RUBCN: variants seen among roughly 807,000 people sequenced by gnomAD.
The protein encoded by RUBCN is run domain Beclin-1-interacting and cysteine-rich domain-containing protein.
RUBCN carries 74 observed loss-of-function variants against 113.2 expected under a neutral mutation model. The observed-to-expected ratio is 0.65, with a 90% CI of 0.54 to 0.79. The LOEUF (loss-of-function observed/expected upper bound fraction) is 0.79. Among genes scored for constraint, RUBCN ranks in the 30% least tolerant of loss-of-function variants. RUBCN has a pLI of 0.00. For missense variants in RUBCN, 1,109 were observed against 1,251.7 expected, an observed-to-expected ratio of 0.89 and a Z score of 1.72; for synonymous variants, 480 against 490.0, an observed-to-expected ratio of 0.98 and a Z score of 0.27.
intron 1 of RUBCN, among the ~76,000 whole-genome samples, chr3:197,731,945 C>T (rs1009845548): frequency 6.6e-6 from 1 of 152,214 alleles, no homozygotes; most frequent in Admixed American, 6.5e-5. Flanking sequence ...AAATTAGGAA[C>T]AGAATTTTAG....
Position 197,680,987 on chromosome 3 carries a change from G to A in RUBCN, c.2430+142C>T, listed in dbSNP as rs1329899297. 1.6e-5 allele frequency: 10 copies of A among 612,692 alleles called. No homozygotes were observed. In the African/African-American group the frequency reaches 1.9e-4, roughly 12 times the overall value. 38.0% of individuals were successfully genotyped at this position (612,692 alleles called of 1,614,324 possible). On this transcript the variant is annotated intron_variant, in intron 16 of 19. Coordinates refer to ENST00000296343, the MANE Select transcript of RUBCN (RefSeq NM_014687.4). ...GAAGCCCTATATAACCAGGGGAGGG[G>A]ACAAGGAGAGGAGACGAGGGGAGGG...
chr3:197,715,597 A>T (rs974291401), intron 2 of RUBCN, among the ~76,000 whole-genome samples: 4 of 152,158 alleles, frequency 2.6e-5, no homozygotes, highest in Admixed American at 6.5e-5. Flanking sequence ...AGGTAGACAG[A>T]TGCTACCTCA....
At chr3:197,704,471 AG>A (rs1724055681) in intron 4 of RUBCN, 70 bp downstream of exon 4, 3 of 1,410,886 alleles carry the variant, frequency 2.1e-6, no homozygotes, top group Non-Finnish European at 3.0e-6. Flanking sequence ...CTGGTACCAG[AG>A]GGGTAGAGGA....
chr3:197,736,779 G>A lies in RUBCN; in HGVS notation c.-60C>T. The stretch of plus-strand genomic sequence containing the variant: ...GGCGTCCCTGCCGCTTCGCCCTTCA[G>A]GGCTCCCGGGGCCCCCTGGGGCCGG... On this transcript the variant is annotated 5_prime_UTR_variant, in exon 1 of 20. Transcript: ENST00000296343. 3 of 1,507,440 alleles carry A rather than the reference G, an allele frequency of 2.0e-6. No homozygotes were observed. Among genetic ancestry groups the A allele is most frequent in the South Asian group, 1.2e-5 (1 of 81,442 alleles). 93.4% of individuals were successfully genotyped at this position (1,507,440 alleles called of 1,614,324 possible).
chr3:197,739,856 T>C (rs941971987), upstream of RUBCN, among the ~76,000 whole-genome samples: 2 of 152,010 alleles, frequency 1.3e-5, no homozygotes, highest in Non-Finnish European at 2.9e-5. Context: ...GCCAACATAG[T>C]GAAACTCTGT....
Position 197,675,608 on chromosome 3 carries a change from G to A in RUBCN, c.2647-93C>T. On this transcript the variant is annotated intron_variant, in intron 18 of 19. Coordinates refer to ENST00000296343, the MANE Select transcript of RUBCN (RefSeq NM_014687.4). This position sits in a 1 kb window ranked among gnomAD's most constrained non-coding sequence, Gnocchi z 4.4. ...CACCGAGGAGGGGAGTGGTCTACAG[G>A]GTTCTGCTGCCCACAGGGAGGAGGC... 2 of 954,866 alleles carry A rather than the reference G, an allele frequency of 2.1e-6. No homozygotes were observed. The highest frequency in any genetic ancestry group is 2.6e-5 in the South Asian group (2 of 77,276). The allele number at this position is 954,866 out of a possible 1,614,324, so 59.1% of individuals were successfully genotyped here.
At chr3:197,728,545 C>T (rs1399590615) in intron 1 of RUBCN, among the ~76,000 whole-genome samples, 1 of 152,186 alleles carries the variant, frequency 6.6e-6, no homozygotes, top group Non-Finnish European at 1.5e-5. Flanking sequence ...GTGGCACTTC[C>T]AATGACAACA....
chr3:197,742,116 C>T (rs974905689), intron 1 of RUBCN, among the ~76,000 whole-genome samples: 6 of 151,790 alleles, frequency 4.0e-5, no homozygotes, highest in African/African-American at 9.7e-5. Context: ...AGGATGGTTT[C>T]GATCTCCTGA....
chr3:197,717,160 T>A (rs531806746), intron 2 of RUBCN, among the ~76,000 whole-genome samples: 1 of 147,780 alleles, frequency 6.8e-6, no homozygotes, highest in African/African-American at 2.5e-5. Context: ...GAGAGCTGGG[T>A]GCGGTGGCTC....
At position 197,694,675 on chromosome 3, in the gene RUBCN, G is replaced by C. The variant is rs1722812071; in HGVS notation, c.1474-90C>G. On this transcript the variant is annotated intron_variant, in intron 9 of 19. Transcript: ENST00000296343. Reference sequence around the variant, plus strand: ...TGTGGAAAAGGGAGTTTCCAAGATAGGAACTGTTCCTGCCAAAAACACCCT... The same window carrying C: ...TGTGGAAAAGGGAGTTTCCAAGATACGAACTGTTCCTGCCAAAAACACCCT... 7 of 1,196,802 alleles carry C rather than the reference G, an allele frequency of 5.8e-6. No homozygotes were observed. In the East Asian group the frequency reaches 1.7e-4, roughly 29 times the overall value. The allele number at this position is 1,196,802 out of a possible 1,614,324, so 74.1% of individuals were successfully genotyped here.
intron 16 of RUBCN, among the ~76,000 whole-genome samples, chr3:197,680,637 C>T (rs1330681394): frequency 6.6e-6 from 1 of 152,222 alleles, no homozygotes; most frequent in African/African-American, 2.4e-5. Context: ...TTCAGAGTGC[C>T]CTCTAGTCAG....
upstream of RUBCN, among the ~76,000 whole-genome samples, chr3:197,739,465 G>T (rs1333855028): frequency 2.0e-5 from 3 of 151,138 alleles, no homozygotes; most frequent in African/African-American, 7.3e-5. Context: ...AGGTCAAGGC[G>T]GGCAGATCAC....
chr3:197,695,877 C>A lies in RUBCN; in HGVS notation c.1462G>T (p.Asp488Tyr). 1 of 1,614,072 alleles carries A rather than the reference C, an allele frequency of 6.2e-7. No homozygotes were observed. Among genetic ancestry groups the A allele is most frequent in the South Asian group, 1.1e-5 (1 of 91,068 alleles). The change falls in exon 9 of 20, where the codon GAC becomes TAC. Residue 488 changes from aspartate (D) to tyrosine (Y), a missense_variant. Asp to Tyr is a radical substitution (Grantham distance 160). This residue lies in a region of RUBCN where 736 missense variants were observed against 779.6 expected (regional missense o/e 0.94). Transcript: ENST00000296343. ...LSEQDFGSCA[D>Y]LEKENAHFSI... ...CCTCGATTTCCCACCTTTTCCAGGT[C>A]GGCACAGCTGCCGAAGTCTTGCTCA...
At chr3:197,695,446 A>T (rs1289834830) in intron 9 of RUBCN, among the ~76,000 whole-genome samples, 1 of 152,072 alleles carries the variant, frequency 6.6e-6, no homozygotes, top group Non-Finnish European at 1.5e-5. Flanking sequence ...CAAAAAAATA[A>T]AAAAAATAGC....
At chr3:197,680,996 A>G (rs1560405869) in intron 16 of RUBCN, 133 bp downstream of exon 16, 1 of 597,292 alleles carries the variant, frequency 1.7e-6, no homozygotes, top group Non-Finnish European at 3.0e-6. Flanking sequence ...GGACAAGGAG[A>G]GGAGACGAGG....
chr3:197,695,782 A>T, intron 9 of RUBCN, 84 bp downstream of exon 9: 1 of 1,235,318 alleles, frequency 8.1e-7, no homozygotes, highest in Non-Finnish European at 1.2e-6. Context: ...TATACCCAAA[A>T]CCTCATCAGA....
Position 197,717,983 on chromosome 3 carries a change from A to G in RUBCN, c.213T>C (p.Arg71=). The part of the protein sequence containing the change: ...MQSILYHGLI[R]DQACRRQTDY... ...AAAAAGGAGTTCTGCATACCTGGTC[A>G]CGGATAAGCCCGTGATAGAGGATGC... is the stretch of plus-strand genomic sequence containing the variant. Residue 71 remains arginine, a synonymous_variant, in exon 2 of 20, where the codon CGT becomes CGC. Coordinates refer to ENST00000296343, the MANE Select transcript of RUBCN (RefSeq NM_014687.4). 6.2e-7 allele frequency: 1 copy of G among 1,613,884 alleles called. No homozygotes were observed. Among genetic ancestry groups the G allele is most frequent in the Non-Finnish European group, 8.5e-7 (1 of 1,180,050 alleles).
chr3:197,696,858 G>C, intron 8 of RUBCN, 96 bp downstream of exon 8: 1 of 751,030 alleles, frequency 1.3e-6, no homozygotes, highest in Non-Finnish European at 2.5e-6. Context: ...GTACCCTCCA[G>C]AGAGCTGAGA....
chr3:197,736,163 C>T lies in RUBCN; in HGVS notation c.65+492G>A, dbSNP rs141417097. Among the ~76,000 whole-genome samples the T allele has an allele frequency of 2.5e-3, 386 of 152,262 alleles. 3 individuals carry two copies. The Middle Eastern group carries it at 0.034, about 13-fold the overall frequency. ...TTTCTCCCCAGGCTCTCCTCGCCTT[C>T]ATCCCCATGCTCATCTCTGCCTAAG... On this transcript the variant is annotated intron_variant, in intron 1 of 19. Coordinates refer to ENST00000296343, the MANE Select transcript of RUBCN (RefSeq NM_014687.4).
Sources: gnomAD v4.1 joint callset for allele counts (sites outside exome capture counted in the v4.1 genomes callset) on GRCh38, gnomAD v4.1.1 for gene constraint, gnomAD v4.1.1 regional missense constraint, Gnocchi (gnomAD v3.1) non-coding constraint, MANE v1.5 for transcripts, NCBI Gene and HGNC (gene_info 2026-07-23, HGNC 2026-07-21) for gene names.